The following SGK3 variants were observed in gnomAD, a reference collection of about 807,000 sequenced individuals.
The protein encoded by SGK3 is serum/glucocorticoid regulated kinase family member 3.
A neutral mutation model predicts 68.5 loss-of-function variants in SGK3; 47 were observed. That is an observed-to-expected ratio of 0.69 (90% CI 0.54 to 0.87). The LOEUF is 0.87. Among genes scored for constraint, SGK3 ranks in the 40% least tolerant of loss-of-function variants. The pLI is 0.00. For synonymous variants in SGK3, 181 were observed against 189.1 expected, an observed-to-expected ratio of 0.96 and a Z score of 0.35; for missense variants, 479 against 575.5, an observed-to-expected ratio of 0.83 and a Z score of 1.72.
At chr8:66,791,568 T>C (rs61167401) in intron 1 of SGK3, among the ~76,000 whole-genome samples, 8,286 of 152,276 alleles carry the variant, frequency 0.054, 312 homozygotes, top group African/African-American at 0.11. Flanking sequence ...CCTGATGCCA[T>C]TTAATGTGCT....
At chr8:66,776,322 C>CAAAT (rs1411536995) in intron 1 of SGK3, among the ~76,000 whole-genome samples, 2 of 152,224 alleles carry the variant, frequency 1.3e-5, no homozygotes, top group East Asian at 3.8e-4. Flanking sequence ...AATGTAGCCT[C>CAAAT]ATTTTAAGCA....
rs1029749876 is a variant in SGK3, at chr8:66,744,536, T to G, written c.-122+31703T>G. Among the ~76,000 whole-genome samples the G allele has an allele frequency of 1.1e-3, 136 of 122,354 alleles. 2 individuals are homozygous for G. The highest frequency in any genetic ancestry group is 3.6e-3 in the African/African-American group (116 of 32,148). 80.3% of individuals were successfully genotyped at this position (122,354 alleles called of 152,430 possible). ...ATATATATATTTTTTTTTTTTTTTT[T>G]TTTTTTTTTAGATGGAGTCTCACTC... On this transcript the variant is annotated intron_variant, in intron 1 of 16. Transcript: ENST00000521198.
chr8:66,780,623 G>A (rs912079802), intron 1 of SGK3, among the ~76,000 whole-genome samples: 1 of 152,256 alleles, frequency 6.6e-6, no homozygotes, highest in South Asian at 2.1e-4. Flanking sequence ...GAAGGTGTGC[G>A]AAATAGGAAG....
chr8:66,793,382 T>G (rs1807544642), intron 1 of SGK3, among the ~76,000 whole-genome samples: 1 of 152,172 alleles, frequency 6.6e-6, no homozygotes. Flanking sequence ...CTACGTGAAC[T>G]GAGGTGTGTA....
chr8:66,784,076 T>G (rs1807101255), intron 1 of SGK3, among the ~76,000 whole-genome samples: 1 of 152,008 alleles, frequency 6.6e-6, no homozygotes, highest in Non-Finnish European at 1.5e-5. Flanking sequence ...TTTTAAACTT[T>G]TTTTTGTGGA....
intron 1 of SGK3, among the ~76,000 whole-genome samples, chr8:66,730,837 C>T (rs111476597): frequency 0.13 from 19,925 of 151,336 alleles, 2,480 homozygotes; most frequent in African/African-American, 0.33. Flanking sequence ...ACCACCAAGC[C>T]TGGCTAATTT....
At chr8:66,735,060 T>C (rs1805279956) in intron 1 of SGK3, among the ~76,000 whole-genome samples, 1 of 152,234 alleles carries the variant, frequency 6.6e-6, no homozygotes, top group South Asian at 2.1e-4. Flanking sequence ...TTATCAGTTA[T>C]TGTTAATCTT....
At chr8:66,728,683 G>T (rs1425246932) in intron 1 of SGK3, among the ~76,000 whole-genome samples, 1 of 152,082 alleles carries the variant, frequency 6.6e-6, no homozygotes, top group Non-Finnish European at 1.5e-5. Context: ...TGGGAGGATT[G>T]CTTGAGGCTA....
chr8:66,845,058 AT>A (rs1354726714), intron 14 of SGK3, among the ~76,000 whole-genome samples: 1 of 152,264 alleles, frequency 6.6e-6, no homozygotes, highest in African/African-American at 2.4e-5. Flanking sequence ...AAAAGAGAAC[AT>A]TTAAAACATA....
Position 66,861,165 on chromosome 8 carries a change from A to C in SGK3, c.*1584A>C, listed in dbSNP as rs1185005964. On this transcript the variant is annotated 3_prime_UTR_variant, in exon 17 of 17. Transcript: ENST00000521198. The stretch of plus-strand genomic sequence containing the variant: ...AAAAACAAATTGTGGGTCAAAGTAA[A>C]TGTATACAGTTTTATTACAATGTAA... 4 of 152,214 alleles carry C rather than the reference A, an allele frequency of 2.6e-5. No individual in the cohort carries two copies. The highest frequency in any genetic ancestry group is 4.8e-5 in the African/African-American group (2 of 41,454). 9.4% of individuals were successfully genotyped at this position (152,214 alleles called of 1,614,324 possible).
In SGK3 at chr8:66,791,738, T is replaced by C. The variant is rs899665149; in HGVS notation, c.-121-1878T>C. Among the ~76,000 whole-genome samples the C allele has an allele frequency of 2.6e-5, 4 of 152,228 alleles. No individual in the cohort carries two copies. In the East Asian group the frequency reaches 7.7e-4, roughly 29 times the overall value. On this transcript the variant is annotated intron_variant, in intron 1 of 16. Transcript: ENST00000521198. ...AAAGTGTAGCTCATAACCTTCACCT[T>C]CTGAATGTCTCTGCTGTAGGAGGAG...
chr8:66,776,994 G>A (rs1029381294), intron 1 of SGK3, among the ~76,000 whole-genome samples: 16 of 152,114 alleles, frequency 1.1e-4, no homozygotes, highest in Non-Finnish European at 2.2e-4. Context: ...TTTTATTGGC[G>A]AAGTTTTCTT....
chr8:66,793,528 C>A (rs764321286), intron 1 of SGK3, 88 bp from the exon 2 acceptor site: 1 of 427,060 alleles, frequency 2.3e-6, no homozygotes, highest in Admixed American at 3.8e-5. Flanking sequence ...TCAGAATAAA[C>A]GAAAATTAGT....
chr8:66,748,880 C>G (rs1450156900), intron 1 of SGK3, among the ~76,000 whole-genome samples: 1 of 151,058 alleles, frequency 6.6e-6, no homozygotes, highest in African/African-American at 2.5e-5. Flanking sequence ...AAAATTCTCA[C>G]TAGATTTTAT....
chr8:66,739,292 T>C (rs1206460771), intron 1 of SGK3, among the ~76,000 whole-genome samples: 1 of 152,166 alleles, frequency 6.6e-6, no homozygotes, highest in African/African-American at 2.4e-5. Flanking sequence ...GTCCTTACTT[T>C]ATAACAACCT....
At chr8:66,796,277 C>T in intron 2 of SGK3, among the ~76,000 whole-genome samples, 1 of 145,664 alleles carries the variant, frequency 6.9e-6, no homozygotes, top group Admixed American at 7.1e-5. Context: ...GCTGGGACTA[C>T]AGATGCATGC....
intron 4 of SGK3, among the ~76,000 whole-genome samples, chr8:66,806,182 T>C (rs201076481): frequency 3.4e-4 from 52 of 152,136 alleles, no homozygotes; most frequent in Non-Finnish European, 6.3e-4. Context: ...GTTTTTTTTT[T>C]CTCTCTTTCT....
intron 1 of SGK3, among the ~76,000 whole-genome samples, chr8:66,791,295 G>A (rs561365514): frequency 6.6e-6 from 1 of 152,334 alleles, no homozygotes; most frequent in African/African-American, 2.4e-5. Context: ...AGCAAAGTGT[G>A]CTACTTTAGT....
At chr8:66,829,640 G>C (rs189794781) in intron 7 of SGK3, among the ~76,000 whole-genome samples, 1 of 152,286 alleles carries the variant, frequency 6.6e-6, no homozygotes, top group East Asian at 1.9e-4. Context: ...GACTTTTAAT[G>C]AGCAGTTTCA....
Sources: allele counts gnomAD v4.1 joint callset (sites outside exome capture counted in the v4.1 genomes callset), GRCh38; gene constraint gnomAD v4.1.1; transcripts MANE v1.5; gene names NCBI Gene and HGNC (gene_info 2026-07-23, HGNC 2026-07-21).